The following CPEB2 variants were observed in gnomAD, a reference collection of about 807,000 sequenced individuals.
CPEB2 encodes the protein cytoplasmic polyadenylation element-binding protein 2.
A neutral mutation model predicts 93.6 loss-of-function variants in CPEB2; 56 were observed. That is an observed-to-expected ratio of 0.60 (90% CI 0.48 to 0.75). The LOEUF is 0.75. Among genes scored for constraint, CPEB2 ranks in the 30% least tolerant of loss-of-function variants. CPEB2 has a pLI of 0.00. For missense variants in CPEB2, 1,579 were observed against 1,395.1 expected (o/e 1.13, Z -2.10); for synonymous variants, 764 against 586.3 (o/e 1.30, Z -4.38).
intron 6 of CPEB2, 101 bp downstream of exon 6, chr4:15,040,588 C>T: frequency 9.5e-7 from 1 of 1,053,142 alleles, no homozygotes; most frequent in South Asian, 1.5e-5. Flanking sequence ...TATCTGAAAA[C>T]TCACACAATT....
intron 4 of CPEB2, among the ~76,000 whole-genome samples, chr4:15,022,312 C>T (rs1724903575): frequency 6.6e-6 from 1 of 152,094 alleles, no homozygotes; most frequent in Admixed American, 6.6e-5. Flanking sequence ...CATGCCAAAG[C>T]AGGAATGTCA....
intron 11 of CPEB2, among the ~76,000 whole-genome samples, chr4:15,062,565 G>C (rs1320480995): frequency 1.3e-5 from 2 of 152,044 alleles, no homozygotes; most frequent in Non-Finnish European, 2.9e-5. Flanking sequence ...ATTGGAGTCA[G>C]ACTGCCTGGG....
intron 3 of CPEB2, among the ~76,000 whole-genome samples, chr4:15,011,623 A>G (rs762442142): frequency 1.3e-5 from 2 of 152,028 alleles, no homozygotes; most frequent in African/African-American, 2.4e-5. Context: ...ATAACAAGAC[A>G]CCACCCCCTC....
chr4:15,023,125 T>C (rs1423953975), intron 4 of CPEB2, among the ~76,000 whole-genome samples: 2 of 152,032 alleles, frequency 1.3e-5, no homozygotes, highest in African/African-American at 2.4e-5. Flanking sequence ...TCAGAACATA[T>C]ATGTGCTTAC....
Position 15,004,249 on chromosome 4 carries a change from T to C in CPEB2, c.1576T>C (p.Ser526Pro). 1 of 1,482,134 alleles carries C rather than the reference T, an allele frequency of 6.7e-7. No homozygotes were observed. The highest frequency in any genetic ancestry group is 8.9e-7 in the Non-Finnish European group (1 of 1,122,676). The allele number at this position is 1,482,134 out of a possible 1,614,324, so 91.8% of individuals were successfully genotyped here. A position where few individuals can be genotyped will look rare whatever the true frequency, so the allele number is the denominator to read the frequency against. ...GCCGCAGCAGCCGCAGAGCCGGAGGTCGCCCGTCAGCCCGCAGCTCCAGCA... is the reference window on the plus strand; with the variant it reads ...GCCGCAGCAGCCGCAGAGCCGGAGGCCGCCCGTCAGCCCGCAGCTCCAGCA... ...AAPQQPQSRR[S>P]PVSPQLQQQH... Residue 526 changes from serine (S) to proline (P), a missense_variant, in exon 1 of 12, where the codon TCG becomes CCG. By Grantham distance (74) the Ser-to-Pro change is moderately conservative. Coordinates refer to ENST00000538197, the MANE Select transcript of CPEB2 (RefSeq NM_001177382.2).
chr4:15,037,701 T>C (rs1726761473), intron 5 of CPEB2, among the ~76,000 whole-genome samples: 1 of 152,186 alleles, frequency 6.6e-6, no homozygotes. Context: ...CAGTAATATA[T>C]GTTTAACATA....
chr4:15,028,348 C>A (rs879929600), intron 4 of CPEB2, among the ~76,000 whole-genome samples: 1 of 147,220 alleles, frequency 6.8e-6, no homozygotes, highest in Non-Finnish European at 1.5e-5. Flanking sequence ...TTTTCATTTT[C>A]TTAGAGAATA....
chr4:15,003,450 C>G lies in CPEB2; in HGVS notation c.777C>G (p.Pro259=). 1 of 1,363,260 alleles carries G rather than the reference C, an allele frequency of 7.3e-7. No homozygotes were observed. 84.4% of individuals were successfully genotyped at this position (1,363,260 alleles called of 1,614,324 possible). Residue 259 remains proline, a synonymous_variant, in exon 1 of 12, where the codon CCC becomes CCG. Coordinates refer to ENST00000538197, the MANE Select transcript of CPEB2 (RefSeq NM_001177382.2). ...CGCGGCAGCGTCCGGCAGACCTGCCCCCGCTCCCGCAGCTCCCTCCCTCGC... is the reference window on the plus strand; with the variant it reads ...CGCGGCAGCGTCCGGCAGACCTGCCGCCGCTCCCGCAGCTCCCTCCCTCGC... ...FAPRQRPADL[P]PLPQLPPSPP...
At chr4:15,020,341 A>G (rs1319577177) in intron 4 of CPEB2, among the ~76,000 whole-genome samples, 1 of 152,092 alleles carries the variant, frequency 6.6e-6, no homozygotes, top group Non-Finnish European at 1.5e-5. Flanking sequence ...TTTGTATTCA[A>G]TTCGACCCAC....
In CPEB2 at chr4:15,029,227, A is replaced by G. The variant is rs573213789; in HGVS notation, c.2126-3934A>G. Among the ~76,000 whole-genome samples the G allele has an allele frequency of 2.6e-5, 4 of 152,076 alleles. 1 individual carries two copies. The highest frequency in any genetic ancestry group is 9.6e-5 in the African/African-American group (4 of 41,510). The stretch of plus-strand genomic sequence containing the variant: ...AGCTTTGCTTTCTGGAACATTTTGG[A>G]ATTTTTTTTTCCTGAGTATTTTTGA... On this transcript the variant is annotated intron_variant, in intron 4 of 11. Transcript: ENST00000538197.
intron 8 of CPEB2, 80 bp from the exon 9 acceptor site, chr4:15,058,341 T>A: frequency 1.3e-6 from 1 of 742,698 alleles, no homozygotes; most frequent in South Asian, 1.7e-5. Context: ...TTCAAAAGCA[T>A]GTATTTTCTA....
At chr4:15,029,739 C>T (rs1259595096) in intron 4 of CPEB2, among the ~76,000 whole-genome samples, 1 of 152,102 alleles carries the variant, frequency 6.6e-6, no homozygotes, top group Non-Finnish European at 1.5e-5. Context: ...TGGTGATTTT[C>T]ATGGATTGAA....
At chr4:15,020,774 G>T (rs1204723918) in intron 4 of CPEB2, among the ~76,000 whole-genome samples, 1 of 152,134 alleles carries the variant, frequency 6.6e-6, no homozygotes, top group Admixed American at 6.6e-5. Flanking sequence ...CATAGTGTCT[G>T]CCCTCATTGT....
At chr4:15,062,425 A>T (rs541434762) in intron 11 of CPEB2, among the ~76,000 whole-genome samples, 165 bp downstream of exon 11, 36 of 152,230 alleles carry the variant, frequency 2.4e-4, no homozygotes, top group African/African-American at 8.4e-4. Context: ...AAATTACTGA[A>T]CACACTTTAA....
intron 6 of CPEB2, among the ~76,000 whole-genome samples, chr4:15,049,113 C>A (rs1023373689): frequency 2.6e-5 from 4 of 151,870 alleles, no homozygotes; most frequent in African/African-American, 9.7e-5. Flanking sequence ...CTTTGTTTAG[C>A]TGAACTTCGT....
In CPEB2 at chr4:15,068,506, G is replaced by C. The variant is rs1383775436; in HGVS notation, c.*2126G>C. ...TTTTTCCAACAGTCAGCTATTTTAT[G>C]GCACACTTTTTTTGACTGATGACAT... On this transcript the variant is annotated 3_prime_UTR_variant, in exon 12 of 12. Transcript: ENST00000538197. The C allele has an allele frequency of 6.6e-6, 1 of 152,040 alleles. No homozygotes were observed. The highest frequency in any genetic ancestry group is 6.6e-5 in the Admixed American group (1 of 15,180). The allele number at this position is 152,040 out of a possible 1,614,324, so 9.4% of individuals were successfully genotyped here.
At chr4:15,024,341 A>G (rs985066681) in intron 4 of CPEB2, among the ~76,000 whole-genome samples, 6 of 152,102 alleles carry the variant, frequency 3.9e-5, no homozygotes, top group Non-Finnish European at 8.8e-5. Context: ...ACATTTTGAG[A>G]CACTATATGT....
At position 15,003,292 on chromosome 4, in the gene CPEB2, C is replaced by A. The variant is rs769703376; in HGVS notation, c.619C>A (p.Arg207=). ...PPPPPLHCPG[R]FSPPPPPAGP... is the part of the protein sequence containing the mutation. ...GCCTCCGCCGCTCCACTGCCCCGGT[C>A]GGTTCAGCCCGCCGCCGCCGCCAGC... Residue 207 remains arginine, a synonymous_variant, in exon 1 of 12, where the codon CGG becomes AGG. Transcript: ENST00000538197. 3.4e-6 allele frequency: 5 copies of A among 1,454,362 alleles called. No homozygotes were observed. In the African/African-American group the frequency reaches 6.2e-5, roughly 18 times the overall value. 90.1% of individuals were successfully genotyped at this position (1,454,362 alleles called of 1,614,324 possible). A position where few individuals can be genotyped will look rare whatever the true frequency, so the allele number is the denominator to read the frequency against.
At chr4:15,054,678 A>AGG (rs1288139348) in intron 8 of CPEB2, among the ~76,000 whole-genome samples, 7 of 152,120 alleles carry the variant, frequency 4.6e-5, no homozygotes, top group Admixed American at 4.6e-4. Context: ...AGTTATTGCT[A>AGG]GGAAGACACC....
Sources: gnomAD v4.1 joint callset for allele counts (sites outside exome capture counted in the v4.1 genomes callset) on GRCh38, gnomAD v4.1.1 for gene constraint, MANE v1.5 for transcripts, NCBI Gene and HGNC (gene_info 2026-07-23, HGNC 2026-07-21) for gene names.